The following C9orf85 variants were observed in gnomAD, a reference collection of about 807,000 sequenced individuals.
The protein encoded by C9orf85 is uncharacterized protein C9orf85.
In C9orf85, 16 loss-of-function variants were observed where a neutral mutation model predicts 14.9. The observed-to-expected ratio is 1.08, with a 90% CI of 0.73 to 1.63. The LOEUF (loss-of-function observed/expected upper bound fraction) is 1.63, where lower values mean the gene tolerates loss of function less well. Ranked by LOEUF, C9orf85 falls within the 40% of genes most tolerant of loss-of-function variation. The probability of loss-of-function intolerance (pLI) is 0.00; values close to 1 mark genes in which losing one functional copy is unlikely to be tolerated. For missense variants in C9orf85, 172 were observed against 186.1 expected (o/e 0.92, Z 0.44); for synonymous variants, 45 against 56.8 (o/e 0.79, Z 0.93).
chr9:71,957,752 G>A (rs550655042), intron 2 of C9orf85, among the ~76,000 whole-genome samples: 2 of 152,106 alleles, frequency 1.3e-5, no homozygotes, highest in South Asian at 4.2e-4. Context: ...CATAAACACG[G>A]TAAAGATCTA....
Position 71,972,679 on chromosome 9 carries a change from C to G in C9orf85, c.324-13C>G, listed in dbSNP as rs967122542. The G allele has an allele frequency of 1.2e-5, 18 of 1,529,194 alleles. No homozygotes were observed. In the African/African-American group the frequency reaches 2.1e-4, roughly 18 times the overall value. The allele number at this position is 1,529,194 out of a possible 1,614,324, so 94.7% of individuals were successfully genotyped here. On this transcript the variant is annotated splice_polypyrimidine_tract_variant and intron_variant, in intron 3 of 3. Transcript: ENST00000334731. ...CCTGGGAAATAAATAGAAATTTTTT[C>G]TTTCATCTTTAGGTTGAATAAAGAA...
At chr9:71,942,995 TC>T (rs1821979382) in intron 1 of C9orf85, among the ~76,000 whole-genome samples, 5 of 152,088 alleles carry the variant, frequency 3.3e-5, no homozygotes, top group Non-Finnish European at 7.3e-5. Context: ...AATCCAGGGA[TC>T]TTTTATCCTC....
chr9:71,983,526 T>C (rs1226640151), downstream of C9orf85: 2 of 152,228 alleles, frequency 1.3e-5, no homozygotes, highest in African/African-American at 2.4e-5. Flanking sequence ...ATTAAGAAAC[T>C]AACGGTGTGG....
At chr9:71,963,379 C>T (rs1247393654) in intron 2 of C9orf85, among the ~76,000 whole-genome samples, 1 of 152,096 alleles carries the variant, frequency 6.6e-6, no homozygotes, top group Admixed American at 6.5e-5. Context: ...GGCGTGCTGG[C>T]AGTCCTCACA....
downstream of C9orf85, among the ~76,000 whole-genome samples, chr9:71,974,943 G>A (rs1042482857): frequency 2.6e-5 from 4 of 152,084 alleles, no homozygotes; most frequent in Non-Finnish European, 5.9e-5. Context: ...GATAATAGGT[G>A]ATATTAGGGA....
intron 1 of C9orf85, among the ~76,000 whole-genome samples, chr9:71,917,253 T>C (rs570019598): frequency 2.0e-5 from 3 of 152,342 alleles, no homozygotes; most frequent in African/African-American, 7.2e-5. Flanking sequence ...CATTGCTTGT[T>C]TGAAATGTTC....
downstream of C9orf85, among the ~76,000 whole-genome samples, chr9:71,976,728 A>ATT (rs5898244): frequency 2.3e-3 from 329 of 146,094 alleles, 1 homozygote; most frequent in East Asian, 4.6e-3. Context: ...ATAGCCCAGG[A>ATT]TTTTTTTTTT....
At chr9:71,960,061 C>G (rs1822476939) in intron 2 of C9orf85, among the ~76,000 whole-genome samples, 2 of 152,088 alleles carry the variant, frequency 1.3e-5, no homozygotes, top group South Asian at 4.1e-4. Flanking sequence ...GCAAAAAGTG[C>G]TAGGTGTGAG....
In C9orf85 at chr9:71,971,547, A is replaced by C; in HGVS notation, c.252A>C (p.Ile84=). 1 of 1,610,342 alleles carries C rather than the reference A, an allele frequency of 6.2e-7. No individual in the cohort carries two copies. Among genetic ancestry groups the C allele is most frequent in the Non-Finnish European group, 8.5e-7 (1 of 1,178,222 alleles). The part of the protein sequence containing the change: ...LQKTVKDSYH[I]MCRPCACELE... ...AGACAGTGAAGGATTCTTATCACAT[A>C]ATGTGCAGGCCATGTGCCTGTGAAC... Residue 84 remains isoleucine (I), a synonymous_variant, in exon 3 of 4, where the codon ATA becomes ATC. Coordinates refer to ENST00000334731, the MANE Select transcript of C9orf85 (RefSeq NM_182505.5).
intron 1 of C9orf85, among the ~76,000 whole-genome samples, chr9:71,912,652 T>C (rs1444424088): frequency 6.6e-6 from 1 of 150,538 alleles, no homozygotes; most frequent in African/African-American, 2.5e-5. Flanking sequence ...GAGGCCGAGG[T>C]GGTGGGCGGA....
chr9:71,931,953 G>A (rs369085460), intron 1 of C9orf85, among the ~76,000 whole-genome samples: 16 of 152,118 alleles, frequency 1.1e-4, no homozygotes, highest in African/African-American at 2.9e-4. Flanking sequence ...AGACTTTGGT[G>A]TGCTTAAGGA....
At chr9:71,958,735 C>T (rs993056722) in intron 2 of C9orf85, among the ~76,000 whole-genome samples, 4 of 152,054 alleles carry the variant, frequency 2.6e-5, no homozygotes, top group Non-Finnish European at 5.9e-5. Context: ...CTCTTTCTTT[C>T]CCCAGATCCA....
chr9:71,959,453 A>T (rs1822459393), intron 2 of C9orf85, among the ~76,000 whole-genome samples: 1 of 152,154 alleles, frequency 6.6e-6, no homozygotes, highest in South Asian at 2.1e-4. Flanking sequence ...AACATTTTCA[A>T]ACCTCTGTCA....
chr9:71,976,498 TA>T (rs1482936029), downstream of C9orf85, among the ~76,000 whole-genome samples: 3 of 151,936 alleles, frequency 2.0e-5, no homozygotes, highest in African/African-American at 7.3e-5. Flanking sequence ...CCGTCTCTAC[TA>T]AAAATACAAA....
chr9:71,927,410 C>T (rs528035275), intron 1 of C9orf85, among the ~76,000 whole-genome samples: 1 of 152,018 alleles, frequency 6.6e-6, no homozygotes, highest in African/African-American at 2.4e-5. Flanking sequence ...AAATTTAATG[C>T]TGTTGTTATA....
intron 2 of C9orf85, among the ~76,000 whole-genome samples, chr9:71,964,787 A>G (rs770372368): frequency 6.6e-6 from 1 of 152,198 alleles, no homozygotes; most frequent in Non-Finnish European, 1.5e-5. Context: ...ACGGATTCCA[A>G]GGAATGAAAT....
intron 2 of C9orf85, among the ~76,000 whole-genome samples, chr9:71,967,880 G>A (rs1173177046): frequency 6.6e-6 from 1 of 151,942 alleles, no homozygotes; most frequent in African/African-American, 2.4e-5. Context: ...TTTCTTTGTA[G>A]TTATCTGTTT....
rs942293114 is a variant in C9orf85 at position 71,920,888 on chromosome 9, A to AC, written c.102+9059dup. ...CTAAGCCCCTCAACCAACTTAATGGACCCCCCCTTTCAGCCAAGGGGACCT... is the reference window on the plus strand; with the variant it reads ...CTAAGCCCCTCAACCAACTTAATGGACCCCCCCCTTTCAGCCAAGGGGACCT... On this transcript the variant is annotated intron_variant, in intron 1 of 3. Coordinates refer to ENST00000334731, the MANE Select transcript of C9orf85 (RefSeq NM_182505.5). Among the ~76,000 whole-genome samples, 14 of 152,100 alleles carry AC rather than the reference A, an allele frequency of 9.2e-5. No individual in the cohort carries two copies. The East Asian group carries it at 1.4e-3, about 15-fold the overall frequency.
At chr9:71,986,038 C>T (rs1158551279), downstream of C9orf85, 2 of 152,128 alleles carry the variant, frequency 1.3e-5, no homozygotes, top group African/African-American at 2.4e-5. Flanking sequence ...CAATAAAATA[C>T]TCTTTAGCAA....
Sources: allele counts gnomAD v4.1 joint callset (sites outside exome capture counted in the v4.1 genomes callset), GRCh38; gene constraint gnomAD v4.1.1; transcripts MANE v1.5; gene names NCBI Gene and HGNC (gene_info 2026-07-23, HGNC 2026-07-21).